The following COL6A6 variants were observed in gnomAD, a reference collection of about 807,000 sequenced individuals.
The protein encoded by COL6A6 is collagen type VI alpha 6 chain, also known as collagen alpha-6(VI) chain.
Under a neutral mutation model 208.6 loss-of-function variants are expected in COL6A6, and 183 were observed. The observed-to-expected ratio is 0.88, with a 90% CI of 0.78 to 0.99. The LOEUF (loss-of-function observed/expected upper bound fraction) is 0.99, where lower values mean the gene tolerates loss of function less well. Ranked by LOEUF, COL6A6 falls within the 50% of genes least tolerant of loss-of-function variation. The pLI is 0.00. For missense variants in COL6A6, 2,816 were observed against 2,815.2 expected (o/e 1.00, Z -0.01); for synonymous variants, 973 against 1,011.8 (o/e 0.96, Z 0.73).
At chr3:130,627,556 G>C (rs1024086158) in intron 26 of COL6A6, among the ~76,000 whole-genome samples, 187 bp downstream of exon 26, 2 of 152,166 alleles carry the variant, frequency 1.3e-5, no homozygotes, top group African/African-American at 2.4e-5. Flanking sequence ...ATGGTTTAAG[G>C]TGCAGGCAAC....
rs898894013 is a variant in COL6A6, at chr3:130,591,108, C to T, written c.4272+14C>T. The T allele has an allele frequency of 1.3e-6, 2 of 1,562,338 alleles. No homozygotes were observed. Among genetic ancestry groups the T allele is most frequent in the South Asian group, 2.3e-5 (2 of 85,418 alleles). Reference sequence around the variant, plus strand: ...GAGGGAATCGCTGTAAGTCAGGGCTCTTTTTTACCTCCATTTATCCCTAAA... The same window carrying T: ...GAGGGAATCGCTGTAAGTCAGGGCTTTTTTTTACCTCCATTTATCCCTAAA... On this transcript the variant is annotated intron_variant, in intron 13 of 36. Transcript: ENST00000358511.
intron 28 of COL6A6, among the ~76,000 whole-genome samples, chr3:130,636,216 CTT>C (rs2108329842): frequency 1.5e-5 from 1 of 67,402 alleles, no homozygotes; most frequent in South Asian, 4.4e-4. Context: ...GAGGTTATCT[CTT>C]GAGCTTTGTG....
upstream of COL6A6, among the ~76,000 whole-genome samples, chr3:130,517,101 G>A (rs1710774117): frequency 6.6e-6 from 1 of 152,202 alleles, no homozygotes; most frequent in Non-Finnish European, 1.5e-5. Flanking sequence ...CGCTGGGCCC[G>A]GGGCCGCCGG....
intron 21 of COL6A6, 131 bp downstream of exon 21, chr3:130,607,097 A>C (rs549126296): frequency 1.4e-5 from 9 of 630,110 alleles, no homozygotes; most frequent in African/African-American, 5.6e-5. Context: ...AAGCTGAAAA[A>C]ATTTTAGGTT....
Position 130,566,813 on chromosome 3 carries a change from T to G in COL6A6, c.1394T>G (p.Met465Arg). The G allele has an allele frequency of 6.2e-7, 1 of 1,613,972 alleles. No homozygotes were observed. The highest frequency in any genetic ancestry group is 8.5e-7 in the Non-Finnish European group (1 of 1,179,872). The part of the protein sequence containing the change: ...MKTFLSEVVG[M>R]FNIAPHKVRV... ...ACGTTCCTGTCAGAGGTGGTAGGGA[T>G]GTTCAACATTGCTCCCCATAAGGTG... Residue 465 changes from methionine (M) to arginine (R), a missense_variant, in exon 5 of 37, where the codon ATG becomes AGG. By Grantham distance (91) the Met-to-Arg change is moderately conservative (BLOSUM62 -1). Coordinates refer to ENST00000358511, the MANE Select transcript of COL6A6 (RefSeq NM_001102608.3).
chr3:130,597,546 G>A (rs142252861), intron 18 of COL6A6, among the ~76,000 whole-genome samples: 21 of 152,296 alleles, frequency 1.4e-4, no homozygotes, highest in African/African-American at 4.6e-4. Flanking sequence ...GCACTCAGCA[G>A]GACTGGATAA....
chr3:130,574,319 C>T lies in COL6A6; in HGVS notation c.3341C>T (p.Ser1114Phe). The part of the protein sequence containing the change: ...QVLLVLTDGQ[S>F]QDEVAQAAEA... ...CTGCTGGTCCTTACAGATGGCCAGT[C>T]CCAAGACGAGGTGGCCCAGGCCGCG... The change falls in exon 8 of 37, where the codon TCC becomes TTC. Residue 1114 changes from serine (S) to phenylalanine (F), a missense_variant. Ser to Phe is a radical substitution (Grantham distance 155). Transcript: ENST00000358511. 1 of 1,613,994 alleles carries T rather than the reference C, an allele frequency of 6.2e-7. No homozygotes were observed. The highest frequency in any genetic ancestry group is 8.5e-7 in the Non-Finnish European group (1 of 1,179,896).
intron 8 of COL6A6, among the ~76,000 whole-genome samples, chr3:130,578,464 C>T (rs746354347): frequency 1.4e-4 from 21 of 151,904 alleles, no homozygotes; most frequent in Non-Finnish European, 2.2e-4. Context: ...GGAAGTGATG[C>T]GGGAAAGGAG....
At chr3:130,584,264 C>A (rs2063486164) in intron 10 of COL6A6, among the ~76,000 whole-genome samples, 1 of 152,114 alleles carries the variant, frequency 6.6e-6, no homozygotes, top group Non-Finnish European at 1.5e-5. Flanking sequence ...AGTCAACAAT[C>A]CCCTGGTTCT....
chr3:130,668,881 G>A (rs1175312644), intron 36 of COL6A6, among the ~76,000 whole-genome samples: 2 of 152,140 alleles, frequency 1.3e-5, no homozygotes, highest in East Asian at 1.9e-4. Flanking sequence ...GTAAACATAA[G>A]TAACAAATGA....
At chr3:130,608,160 G>A (rs1001691961) in intron 21 of COL6A6, among the ~76,000 whole-genome samples, 4 of 152,166 alleles carry the variant, frequency 2.6e-5, no homozygotes, top group East Asian at 1.9e-4. Flanking sequence ...TTCAACATAC[G>A]TGTTTTGAAG....
rs201097837 is a variant in COL6A6, at chr3:130,533,567, T to TA, written c.-32+16177dup. Reference sequence around the variant, plus strand: ...TCTTTCAATGTTTGTTCAGACTTTTTAAAAAAATAAAATATTACAGACAAG... The same window carrying TA: ...TCTTTCAATGTTTGTTCAGACTTTTTAAAAAAAATAAAATATTACAGACAAG... On this transcript the variant is annotated intron_variant, in intron 1 of 36. Transcript: ENST00000358511. Among the ~76,000 whole-genome samples, 1,127 of 152,278 alleles carry TA rather than the reference T, an allele frequency of 7.4e-3. 14 individuals carry two copies. Among genetic ancestry groups the TA allele is most frequent in the African/African-American group, 0.026 (1,071 of 41,544 alleles).
rs761592897 is a variant in COL6A6 at position 130,661,953 on chromosome 3, C to T, written c.6147C>T (p.His2049=). Residue 2049 remains histidine, a synonymous_variant, in exon 35 of 37, where the codon CAC becomes CAT. Transcript: ENST00000358511. ...AGCGCCTCATGAAGAGGCATGTGCA[C>T]GAGTCAGTTAAACAACTAAATGGAG... The part of the protein sequence containing the change: ...RSKRLMKRHV[H]ESVKQLNGDA... 6.4e-5 allele frequency: 104 copies of T among 1,613,820 alleles called. No homozygotes were observed. The highest frequency in any genetic ancestry group is 1.0e-4 in the Admixed American group (6 of 59,996).
At chr3:130,648,753 C>T (rs2065533243) in intron 32 of COL6A6, among the ~76,000 whole-genome samples, 1 of 152,134 alleles carries the variant, frequency 6.6e-6, no homozygotes, top group Non-Finnish European at 1.5e-5. Flanking sequence ...TTGATCGAGT[C>T]TCTGCAGGTG....
rs1370299609 is a variant in COL6A6, at chr3:130,631,275, A to G, written c.4993-3315A>G. ...ATCAGAGAATACTACAAACACCTCT[A>G]TGCAAATAAACTAGAAAATCTGGAA... On this transcript the variant is annotated intron_variant, in intron 26 of 36. Coordinates refer to ENST00000358511, the MANE Select transcript of COL6A6 (RefSeq NM_001102608.3). Among the ~76,000 whole-genome samples, 3 of 109,184 alleles carry G rather than the reference A, an allele frequency of 2.7e-5. 1 individual carries two copies. The highest frequency in any genetic ancestry group is 2.2e-4 in the Admixed American group (2 of 9,188). 71.6% of individuals were successfully genotyped at this position (109,184 alleles called of 152,430 possible).
At chr3:130,669,473 CA>C (rs1200406244) in intron 36 of COL6A6, among the ~76,000 whole-genome samples, 4 of 151,586 alleles carry the variant, frequency 2.6e-5, no homozygotes, top group South Asian at 2.1e-4. Flanking sequence ...AATAATGGGA[CA>C]AAAAATTATA....
intron 1 of COL6A6, among the ~76,000 whole-genome samples, chr3:130,522,489 G>T (rs985559147): frequency 6.6e-6 from 1 of 152,152 alleles, no homozygotes; most frequent in African/African-American, 2.4e-5. Context: ...TTATTTTCCT[G>T]CTGGGTGTTC....
chr3:130,585,060 G>A (rs949881235), intron 10 of COL6A6, among the ~76,000 whole-genome samples: 62 of 152,048 alleles, frequency 4.1e-4, no homozygotes, highest in Non-Finnish European at 5.3e-4. Context: ...ATTTATTTAA[G>A]AAGGTGTTCT....
At chr3:130,533,119 G>A (rs901978675) in intron 1 of COL6A6, among the ~76,000 whole-genome samples, 1 of 151,958 alleles carries the variant, frequency 6.6e-6, no homozygotes, top group South Asian at 2.1e-4. Context: ...TAGATTTAGG[G>A]GAAGGGAAAA....
Sources: gnomAD v4.1 joint callset for allele counts (sites outside exome capture counted in the v4.1 genomes callset) on GRCh38, gnomAD v4.1.1 for gene constraint, MANE v1.5 for transcripts, NCBI Gene and HGNC (gene_info 2026-07-23, HGNC 2026-07-21) for gene names.